ANKS1B: variants seen among roughly 807,000 people sequenced by gnomAD.
ANKS1B encodes ankyrin repeat and sterile alpha motif domain-containing protein 1B.
In ANKS1B, 36 loss-of-function variants were observed where a neutral mutation model predicts 148.3. That is an observed-to-expected ratio of 0.24 (90% CI 0.19 to 0.32). The LOEUF (loss-of-function observed/expected upper bound fraction) is 0.32. Ranked by LOEUF, ANKS1B falls within the 10% of genes least tolerant of loss-of-function variation. The pLI, the probability that ANKS1B is intolerant of heterozygous loss-of-function variation, is 1.00. For missense variants in ANKS1B, 1,157 were observed against 1,542.6 expected, an observed-to-expected ratio of 0.75 and a Z score of 4.19; for synonymous variants, 542 against 560.8, an observed-to-expected ratio of 0.97 and a Z score of 0.47.
intron 17 of ANKS1B, among the ~76,000 whole-genome samples, chr12:98,997,841 A>G (rs2099930634): frequency 6.6e-6 from 1 of 152,144 alleles, no homozygotes; most frequent in Non-Finnish European, 1.5e-5. Context: ...TATGTAAATA[A>G]TTATTGTTAA....
At chr12:99,566,465 T>C (rs1289009936) in intron 9 of ANKS1B, among the ~76,000 whole-genome samples, 2 of 152,186 alleles carry the variant, frequency 1.3e-5, no homozygotes, top group Non-Finnish European at 2.9e-5. Context: ...AAAGTTCAGA[T>C]TTCTACTAAG....
chr12:99,022,300 G>A (rs1310973195), intron 17 of ANKS1B, among the ~76,000 whole-genome samples: 2 of 152,094 alleles, frequency 1.3e-5, no homozygotes, highest in African/African-American at 4.8e-5. Flanking sequence ...ATCTAAAGGG[G>A]GTCACAGGTG....
At chr12:98,961,751 G>A (rs2099871823) in intron 17 of ANKS1B, among the ~76,000 whole-genome samples, 1 of 151,854 alleles carries the variant, frequency 6.6e-6, no homozygotes, top group African/African-American at 2.4e-5. Context: ...ATGCAGTGGG[G>A]GGGAATGAAG....
intron 9 of ANKS1B, among the ~76,000 whole-genome samples, chr12:99,522,523 G>T (rs147349953): frequency 6.6e-6 from 1 of 152,096 alleles, no homozygotes; most frequent in Non-Finnish European, 1.5e-5. Context: ...TTCATACGTT[G>T]TTTACACTGT....
intron 17 of ANKS1B, among the ~76,000 whole-genome samples, chr12:98,959,776 T>C (rs1023839259): frequency 2.0e-5 from 3 of 152,158 alleles, no homozygotes; most frequent in African/African-American, 7.2e-5. Flanking sequence ...GTCCCAGTCC[T>C]GCCAGCATTC....
chr12:99,760,504 T>TA (rs2061985536), intron 8 of ANKS1B, among the ~76,000 whole-genome samples: 1 of 151,586 alleles, frequency 6.6e-6, no homozygotes, highest in South Asian at 2.1e-4. Flanking sequence ...TGAAATAAAC[T>TA]AAAACAGACG....
At chr12:98,924,301 T>C (rs1219816952) in intron 17 of ANKS1B, among the ~76,000 whole-genome samples, 1 of 152,220 alleles carries the variant, frequency 6.6e-6, no homozygotes, top group Non-Finnish European at 1.5e-5. Flanking sequence ...TTCCCGGGCC[T>C]AAAGGAATGG....
intron 12 of ANKS1B, among the ~76,000 whole-genome samples, chr12:99,345,883 G>C (rs946368139): frequency 6.6e-6 from 1 of 151,852 alleles, no homozygotes. Flanking sequence ...CTTTGTGCAC[G>C]GATAACCTTC....
At chr12:99,533,103 T>C (rs2097019351) in intron 9 of ANKS1B, among the ~76,000 whole-genome samples, 1 of 152,208 alleles carries the variant, frequency 6.6e-6, no homozygotes, top group Non-Finnish European at 1.5e-5. Context: ...ATTGAATCTG[T>C]AGATTGCTTT....
At chr12:98,937,360 G>A (rs1353763385) in intron 17 of ANKS1B, among the ~76,000 whole-genome samples, 1 of 151,968 alleles carries the variant, frequency 6.6e-6, no homozygotes, top group Non-Finnish European at 1.5e-5. Context: ...GTGGCCTCCA[G>A]GATAAAGTCC....
At chr12:99,206,790 T>C (rs1056696412) in intron 14 of ANKS1B, among the ~76,000 whole-genome samples, 1 of 152,298 alleles carries the variant, frequency 6.6e-6, no homozygotes, top group Middle Eastern at 3.4e-3. Context: ...ATATAGCCTA[T>C]TGAACTAGAT....
rs895656398 is a variant in ANKS1B, at chr12:99,587,626, T to C, written c.1272+67441A>G. Among the ~76,000 whole-genome samples the C allele has an allele frequency of 3.9e-5, 6 of 152,268 alleles. No homozygotes were observed. The South Asian group carries it at 6.2e-4, about 16-fold the overall frequency. ...TAAATTAGGGTAGTAGCAATGAAAA[T>C]AGCAGATCACATAAAATGCTGTGTT... On this transcript the variant is annotated intron_variant, in intron 9 of 26. Coordinates refer to ENST00000683438, the MANE Select transcript of ANKS1B (RefSeq NM_001352186.2).
At chr12:99,479,758 C>T (rs561061483) in intron 10 of ANKS1B, among the ~76,000 whole-genome samples, 6 of 151,566 alleles carry the variant, frequency 4.0e-5, no homozygotes, top group South Asian at 2.1e-4. Context: ...GAATGTTAGT[C>T]GAAAGGAGAA....
chr12:99,531,757 T>C (rs1453646550), intron 9 of ANKS1B, among the ~76,000 whole-genome samples: 1 of 152,220 alleles, frequency 6.6e-6, no homozygotes, highest in African/African-American at 2.4e-5. Flanking sequence ...GATGTGCTTT[T>C]AGTTCTCTGA....
chr12:99,398,383 T>G (rs1490887174), intron 12 of ANKS1B, among the ~76,000 whole-genome samples: 2 of 152,156 alleles, frequency 1.3e-5, no homozygotes, highest in Non-Finnish European at 2.9e-5. Context: ...ATACACTCAC[T>G]GTGAACAAAG....
At chr12:99,014,517 A>G (rs1380779999) in intron 17 of ANKS1B, among the ~76,000 whole-genome samples, 2 of 152,248 alleles carry the variant, frequency 1.3e-5, no homozygotes, top group Admixed American at 1.3e-4. Context: ...GCAAAAATTG[A>G]CAAATGGGGA....
At chr12:98,873,294 G>A (rs2099677117) in intron 17 of ANKS1B, among the ~76,000 whole-genome samples, 1 of 152,124 alleles carries the variant, frequency 6.6e-6, no homozygotes, top group Admixed American at 6.5e-5. Context: ...TGTTTTGAAA[G>A]GAGGGACTTA....
intron 12 of ANKS1B, among the ~76,000 whole-genome samples, chr12:99,378,652 C>CAAAAAAAAAAAAAAAAAAA (rs140892353): frequency 1.1e-4 from 10 of 90,626 alleles, no homozygotes; most frequent in East Asian, 9.0e-4. Context: ...GACTCCATCT[C>CAAAAAAAAAAAAAAAAAAA]AAAAAAAAAA....
chr12:98,957,710 T>C (rs973102839), intron 17 of ANKS1B, among the ~76,000 whole-genome samples: 2 of 152,156 alleles, frequency 1.3e-5, no homozygotes, highest in Non-Finnish European at 2.9e-5. Flanking sequence ...GCTAGGAAAC[T>C]TGTCTTAAAG....
Sources: gnomAD v4.1 joint callset for allele counts (sites outside exome capture counted in the v4.1 genomes callset) on GRCh38, gnomAD v4.1.1 for gene constraint, MANE v1.5 for transcripts, NCBI Gene and HGNC (gene_info 2026-07-23, HGNC 2026-07-21) for gene names.